PDE2A: variants seen among roughly 807,000 people sequenced by gnomAD.
PDE2A encodes cGMP-dependent 3',5'-cyclic phosphodiesterase.
PDE2A carries 53 observed loss-of-function variants against 133.6 expected under a neutral mutation model. That is an observed-to-expected ratio of 0.40 (90% CI 0.32 to 0.50). The LOEUF is 0.50. Among genes scored for constraint, PDE2A ranks in the 20% least tolerant of loss-of-function variants. PDE2A has a pLI of 0.73. For synonymous variants in PDE2A, 491 were observed against 490.2 expected (o/e 1.00, Z -0.02); for missense variants, 796 against 1,232.4 (o/e 0.65, Z 5.30).
intron 4 of PDE2A, among the ~76,000 whole-genome samples, chr11:72,600,191 A>G (rs960531433): frequency 6.6e-6 from 1 of 152,168 alleles, no homozygotes; most frequent in East Asian, 1.9e-4. Context: ...GGATTTGAGC[A>G]GGGACGGTAA....
intron 1 of PDE2A, among the ~76,000 whole-genome samples, chr11:72,656,923 G>A (rs1470735580): frequency 1.3e-5 from 2 of 152,084 alleles, no homozygotes; most frequent in Non-Finnish European, 2.9e-5. Flanking sequence ...TTCCCCCAGG[G>A]ACAAACTTCA....
At chr11:72,591,204 C>A in intron 7 of PDE2A, 93 bp downstream of exon 7, 1 of 1,051,646 alleles carries the variant, frequency 9.5e-7, no homozygotes, top group Non-Finnish European at 1.5e-6. Context: ...GAAGCTGAAA[C>A]CCAGGTCTGT....
Position 72,588,803 on chromosome 11 carries a change from T to G in PDE2A, c.1051A>C (p.Asn351His). The part of the protein sequence containing the change: ...DQVVALACAF[N>H]KLEGDLFTDE... Reference sequence around the variant, plus strand: ...ACTCACAAGTCTCCTTCTAGCTTGTTGAAGGCGCAGGCCAAGGCCACCACC... The same window carrying G: ...ACTCACAAGTCTCCTTCTAGCTTGTGGAAGGCGCAGGCCAAGGCCACCACC... The change falls in exon 13 of 31, where the codon AAC becomes CAC. Residue 351 changes from asparagine (N) to histidine (H), a missense_variant. Physicochemically the swap from Asn to His is moderately conservative, Grantham distance 68. Coordinates refer to ENST00000334456, the MANE Select transcript of PDE2A (RefSeq NM_002599.5). 2 of 1,604,602 alleles carry G rather than the reference T, an allele frequency of 1.2e-6. No individual in the cohort carries two copies. Among genetic ancestry groups the G allele is most frequent in the Non-Finnish European group, 8.5e-7 (1 of 1,173,182 alleles).
intron 3 of PDE2A, among the ~76,000 whole-genome samples, chr11:72,606,072 CT>C (rs1472592592): frequency 5.3e-5 from 8 of 151,972 alleles, no homozygotes; most frequent in Non-Finnish European, 1.2e-4. Context: ...AGCTCTTGCT[CT>C]TTAATCCTCC....
intron 2 of PDE2A, among the ~76,000 whole-genome samples, chr11:72,635,000 C>T (rs997249728): frequency 6.6e-6 from 1 of 152,140 alleles, no homozygotes; most frequent in Non-Finnish European, 1.5e-5. Context: ...AGGGAAGGGG[C>T]GGGGGTGAGC....
intron 2 of PDE2A, among the ~76,000 whole-genome samples, chr11:72,638,580 C>T (rs572576468): frequency 1.3e-5 from 2 of 152,330 alleles, no homozygotes; most frequent in East Asian, 3.9e-4. Flanking sequence ...AAGGTAGGAG[C>T]TCCATGAGGC....
chr11:72,603,556 C>G (rs1317601883), intron 4 of PDE2A, among the ~76,000 whole-genome samples: 1 of 152,180 alleles, frequency 6.6e-6, no homozygotes, highest in Non-Finnish European at 1.5e-5. Context: ...CTCCGAGGAG[C>G]CTTCCTGGAG....
Position 72,596,667 on chromosome 11 carries a change from T to A in PDE2A, c.434-19A>T. 1 of 1,415,304 alleles carries A rather than the reference T, an allele frequency of 7.1e-7. No homozygotes were observed. Among genetic ancestry groups the A allele is most frequent in the African/African-American group, 1.5e-5 (1 of 68,172 alleles). 87.7% of individuals were successfully genotyped at this position (1,415,304 alleles called of 1,614,324 possible). A position where few individuals can be genotyped will look rare whatever the true frequency, so the allele number is the denominator to read the frequency against. On this transcript the variant is annotated intron_variant, in intron 5 of 30. Transcript: ENST00000334456. ...ACCAGCACTGAGGGGGAGAGGGCAA[T>A]GAGGTGCTCCTGCAGGGCTGGCGAG...
intron 4 of PDE2A, among the ~76,000 whole-genome samples, 155 bp downstream of exon 4, chr11:72,604,983 T>C (rs1171955365): frequency 6.6e-6 from 1 of 152,222 alleles, no homozygotes; most frequent in Non-Finnish European, 1.5e-5. Context: ...CCTTCTGTGC[T>C]GGAGTCAGCA....
rs1259402304 is a variant in PDE2A at position 72,597,483 on chromosome 11, T to G, written c.433+27A>C. The G allele has an allele frequency of 2.3e-6, 3 of 1,286,472 alleles. No individual in the cohort carries two copies. The highest frequency in any genetic ancestry group is 1.2e-5 in the South Asian group (1 of 84,960). 79.7% of individuals were successfully genotyped at this position (1,286,472 alleles called of 1,614,324 possible). ...CACAGTCCCTCCCTGCCCCTGCCCCTGCCCCTGCCCAGCCCCTAGCCCTTA... is the reference window on the plus strand; with the variant it reads ...CACAGTCCCTCCCTGCCCCTGCCCCGGCCCCTGCCCAGCCCCTAGCCCTTA... On this transcript the variant is annotated intron_variant, in intron 5 of 30. Coordinates refer to ENST00000334456, the MANE Select transcript of PDE2A (RefSeq NM_002599.5). This position sits in a 1 kb window ranked among gnomAD's most constrained non-coding sequence, Gnocchi z 4.6.
intron 2 of PDE2A, among the ~76,000 whole-genome samples, chr11:72,624,313 G>A (rs1039050285): frequency 6.6e-6 from 1 of 152,116 alleles, no homozygotes; most frequent in Non-Finnish European, 1.5e-5. Flanking sequence ...TCCTTTGGAC[G>A]GTGTTACTTT....
intron 2 of PDE2A, among the ~76,000 whole-genome samples, chr11:72,632,504 G>A (rs910831120): frequency 6.6e-6 from 1 of 152,254 alleles, no homozygotes; most frequent in Non-Finnish European, 1.5e-5. Context: ...GGTCACCCAT[G>A]TGCCTGACTC....
At chr11:72,657,580 GA>G (rs1854933491) in intron 1 of PDE2A, among the ~76,000 whole-genome samples, 1 of 152,200 alleles carries the variant, frequency 6.6e-6, no homozygotes, top group South Asian at 2.1e-4. Context: ...GCCCTGACTG[GA>G]GGCTAAGAGT....
chr11:72,632,442 GGT>G (rs1378763801), intron 2 of PDE2A, among the ~76,000 whole-genome samples: 2 of 152,126 alleles, frequency 1.3e-5, no homozygotes, highest in Non-Finnish European at 2.9e-5. Flanking sequence ...CAGTGACTGT[GGT>G]GTGTGTCTGG....
At chr11:72,605,015 T>C in intron 4 of PDE2A, 123 bp downstream of exon 4, 1 of 565,996 alleles carries the variant, frequency 1.8e-6, no homozygotes. Context: ...GAATCCCACC[T>C]GGCAGGGAGG....
rs1278223553 is a variant in PDE2A, at chr11:72,577,496, C to A, written c.2714G>T (p.Arg905Leu). Residue 905 changes from arginine to leucine, a missense_variant, in exon 31 of 31, where the codon CGC (arginine) becomes CTC (leucine). Coordinates refer to ENST00000334456, the MANE Select transcript of PDE2A (RefSeq NM_002599.5). ...WTKVSHKFTI[R>L]GLPSNNSLDF... ...CAGCGAGTTGTTACTTGGGAGGCCG[C>A]GGATGGTGAACTTGTGGGACACCTT... is the stretch of plus-strand genomic sequence containing the variant. 4 of 1,613,498 alleles carry A rather than the reference C, an allele frequency of 2.5e-6. No homozygotes were observed. Among genetic ancestry groups the A allele is most frequent in the East Asian group, 2.2e-5 (1 of 44,886 alleles).
At chr11:72,584,129 G>T in intron 19 of PDE2A, 72 bp downstream of exon 19, 1 of 779,690 alleles carries the variant, frequency 1.3e-6, no homozygotes. Context: ...TCAGTCGGAG[G>T]AGGAGAACCG....
intron 4 of PDE2A, chr11:72,599,135 G>A (rs1442748125): frequency 1.9e-6 from 1 of 533,418 alleles, no homozygotes; most frequent in Non-Finnish European, 2.4e-6. Context: ...GCTGGTCAGT[G>A]CGCACTGCAG....
At chr11:72,667,276 C>T (rs916121813) in intron 1 of PDE2A, among the ~76,000 whole-genome samples, 17 of 152,274 alleles carry the variant, frequency 1.1e-4, no homozygotes, top group African/African-American at 3.8e-4. Context: ...CAAGCAATAT[C>T]CCCAGCACCT....
Sources: gnomAD v4.1 joint callset for allele counts (sites outside exome capture counted in the v4.1 genomes callset) on GRCh38, gnomAD v4.1.1 for gene constraint, Gnocchi (gnomAD v3.1) non-coding constraint, MANE v1.5 for transcripts, NCBI Gene and HGNC (gene_info 2026-07-23, HGNC 2026-07-21) for gene names.